The following PTPN18 variants were observed in gnomAD, a reference collection of about 807,000 sequenced individuals.
The protein encoded by PTPN18 is protein tyrosine phosphatase non-receptor type 18, also known as tyrosine-protein phosphatase non-receptor type 18.
In PTPN18, 65 loss-of-function variants were observed where a neutral mutation model predicts 65.4. The observed-to-expected ratio is 0.99, with a 90% confidence interval of 0.81 to 1.22. The LOEUF (loss-of-function observed/expected upper bound fraction) is 1.22, where lower values mean the gene tolerates loss of function less well. PTPN18 is among the 50% of genes most tolerant of loss of function. The pLI is 0.00. For synonymous variants in PTPN18, 255 were observed against 267.8 expected, an observed-to-expected ratio of 0.95 and a Z score of 0.47; for missense variants, 616 against 646.5, an observed-to-expected ratio of 0.95 and a Z score of 0.51.
chr2:130,373,182 G>T lies in PTPN18; in HGVS notation c.1341G>T (p.Pro447=). ...GTTTCAACCTGCGCATTGGGAGGCC[G>T]AAGGGTCCCCGGGACCCGCCTGCTG... The part of the protein sequence containing the change: ...GLGFNLRIGR[P]KGPRDPPAEW... The change falls in exon 15 of 15, where the codon CCG becomes CCT. Residue 447 remains proline (P), a synonymous_variant. Coordinates refer to ENST00000175756, the MANE Select transcript of PTPN18 (RefSeq NM_014369.4). The surrounding 1 kb of genome is among the most constrained non-coding windows in gnomAD (Gnocchi z 4.1). The T allele has an allele frequency of 6.2e-7, 1 of 1,601,282 alleles. No individual in the cohort carries two copies. The highest frequency in any genetic ancestry group is 8.5e-7 in the Non-Finnish European group (1 of 1,173,636).
chr2:130,364,950 T>G (rs1373017470), intron 5 of PTPN18, among the ~76,000 whole-genome samples: 4 of 152,240 alleles, frequency 2.6e-5, no homozygotes, highest in Admixed American at 2.0e-4. Context: ...CTGTACCATT[T>G]TACGTTCCCA....
chr2:130,362,243 T>G (rs1342526577), intron 5 of PTPN18: 1 of 457,730 alleles, frequency 2.2e-6, no homozygotes, highest in African/African-American at 2.0e-5. Flanking sequence ...GTGCTAAGAT[T>G]ACAGGCATGA....
At chr2:130,356,257 C>CT in intron 1 of PTPN18, 57 bp downstream of exon 1, 1 of 1,205,732 alleles carries the variant, frequency 8.3e-7, no homozygotes, top group Non-Finnish European at 1.1e-6. Flanking sequence ...CTGCGTACGC[C>CT]TGTCCTCCGC....
rs908058178 is a variant in PTPN18, at chr2:130,369,123, C to T, written c.415-10C>T. 1.2e-6 allele frequency: 2 copies of T among 1,607,058 alleles called. No individual in the cohort carries two copies. Among genetic ancestry groups the T allele is most frequent in the Non-Finnish European group, 1.7e-6 (2 of 1,175,474 alleles). On this transcript the variant is annotated splice_polypyrimidine_tract_variant and intron_variant, in intron 5 of 14. Coordinates refer to ENST00000175756, the MANE Select transcript of PTPN18 (RefSeq NM_014369.4). Reference sequence around the variant, plus strand: ...CTCACTCCCTGCCTTTTCTCCCTTACCTTTTGCAGAAAAGGTGTGAGCGGT... The same window carrying T: ...CTCACTCCCTGCCTTTTCTCCCTTATCTTTTGCAGAAAAGGTGTGAGCGGT...
chr2:130,366,543 A>G (rs1216530864), intron 5 of PTPN18, among the ~76,000 whole-genome samples: 3 of 151,996 alleles, frequency 2.0e-5, no homozygotes. Flanking sequence ...TGTTTGTGAG[A>G]TATTGGTTAG....
Position 130,357,348 on chromosome 2 carries a change from C to G in PTPN18, c.93+1148C>G, listed in dbSNP as rs922411513. Among the ~76,000 whole-genome samples, 8 of 152,152 alleles carry G rather than the reference C, an allele frequency of 5.3e-5. 1 individual carries two copies. Among genetic ancestry groups the G allele is most frequent in the Non-Finnish European group, 1.2e-4 (8 of 68,034 alleles). On this transcript the variant is annotated intron_variant, in intron 1 of 14. Transcript: ENST00000175756. ...GTTTAAAGTGTAATCGCTTATGTAC[C>G]AGACATAGAAACATACCATACAAAC...
At chr2:130,370,808 AGGGACAGTGGC>A in intron 10 of PTPN18, 26 bp downstream of exon 10, 1 of 1,613,002 alleles carries the variant, frequency 6.2e-7, no homozygotes, top group Middle Eastern at 1.6e-4. Context: ...CCTAATCTTC[AGGGACAGTGGC>A]CCACTGCTGT....
intron 5 of PTPN18, chr2:130,362,015 G>A (rs1215218642): frequency 8.0e-6 from 3 of 373,226 alleles, no homozygotes; most frequent in Non-Finnish European, 1.6e-5. Context: ...TAAGACAGAG[G>A]GGAATGGAGT....
In PTPN18 at chr2:130,374,673, G is replaced by C. The variant is rs1344522317; in HGVS notation, c.*1449G>C. 4.2e-6 allele frequency: 2 copies of C among 471,404 alleles called. No individual in the cohort carries two copies. Among genetic ancestry groups the C allele is most frequent in the Admixed American group, 4.7e-5 (2 of 42,584 alleles). 29.2% of individuals were successfully genotyped at this position (471,404 alleles called of 1,614,324 possible). A position where few individuals can be genotyped will look rare whatever the true frequency, so the allele number is the denominator to read the frequency against. On this transcript the variant is annotated 3_prime_UTR_variant, in exon 15 of 15. Coordinates refer to ENST00000175756, the MANE Select transcript of PTPN18 (RefSeq NM_014369.4). The stretch of plus-strand genomic sequence containing the variant: ...CGCCCCTCTCACTTTCAGGTCTCTG[G>C]ACCTCTGACTGACACTGTGCCTGCC...
intron 5 of PTPN18, among the ~76,000 whole-genome samples, chr2:130,364,251 A>G (rs1680316260): frequency 6.6e-6 from 1 of 152,094 alleles, no homozygotes; most frequent in Admixed American, 6.6e-5. Context: ...GGTAACCTCT[A>G]TTCTCCTTTC....
rs1215237803 is a variant in PTPN18 at position 130,359,867 on chromosome 2, CCT to C, written c.414+222_414+223del. On this transcript the variant is annotated intron_variant, in intron 5 of 14. Transcript: ENST00000175756. ...TGCTGGGCTTCCCAGCCATTTCACACCTTAGACCATAAGGCCCTATTCTGACT... is the reference window on the plus strand; with the variant it reads ...TGCTGGGCTTCCCAGCCATTTCACACTAGACCATAAGGCCCTATTCTGACT... 11 of 604,044 alleles carry C rather than the reference CCT, an allele frequency of 1.8e-5. No individual in the cohort carries two copies. In the African/African-American group the frequency reaches 2.0e-4, roughly 11 times the overall value. The allele number at this position is 604,044 out of a possible 1,614,324, so 37.4% of individuals were successfully genotyped here.
At chr2:130,368,218 A>G (rs13407656) in intron 5 of PTPN18, among the ~76,000 whole-genome samples, 17,887 of 151,912 alleles carry the variant, frequency 0.12, 3,407 homozygotes, top group African/African-American at 0.4. Flanking sequence ...CCTATTGACT[A>G]ATTTTTCTCC....
intron 5 of PTPN18, among the ~76,000 whole-genome samples, chr2:130,362,757 G>C (rs1423429886): frequency 1.3e-5 from 2 of 152,128 alleles, no homozygotes; most frequent in Non-Finnish European, 2.9e-5. Context: ...AAAGTGTACA[G>C]TTCCATCATT....
intron 5 of PTPN18, among the ~76,000 whole-genome samples, chr2:130,368,189 T>G (rs1680447364): frequency 6.6e-6 from 1 of 152,230 alleles, no homozygotes; most frequent in Admixed American, 6.5e-5. Flanking sequence ...TTTCCTGAAC[T>G]GTTATTTCTG....
At chr2:130,356,681 G>C (rs1209982119) in intron 1 of PTPN18, 1 of 459,644 alleles carries the variant, frequency 2.2e-6, no homozygotes, top group African/African-American at 2.0e-5. Flanking sequence ...TCGAATCCGC[G>C]TCCGGGCCCG....
chr2:130,372,757 C>G, intron 13 of PTPN18, 116 bp from the exon 14 acceptor site: 1 of 1,293,574 alleles, frequency 7.7e-7, no homozygotes, highest in Non-Finnish European at 1.1e-6. Flanking sequence ...CCTTCTCCCG[C>G]CCGGCGCCCT....
Position 130,369,962 on chromosome 2 carries a change from A to C in PTPN18, c.547-86A>C, listed in dbSNP as rs968055531. 51 of 1,567,722 alleles carry C rather than the reference A, an allele frequency of 3.3e-5. 1 individual carries two copies. In the African/African-American group the frequency reaches 6.2e-4, roughly 19 times the overall value. ...TAGACATAAATGGAAGATGCCTAGA[A>C]GTGGGCCTGGTGTATAGTAGATGGC... On this transcript the variant is annotated intron_variant, in intron 7 of 14. Coordinates refer to ENST00000175756, the MANE Select transcript of PTPN18 (RefSeq NM_014369.4).
intron 5 of PTPN18, among the ~76,000 whole-genome samples, chr2:130,367,223 G>T (rs1416949982): frequency 6.6e-6 from 1 of 151,978 alleles, no homozygotes; most frequent in African/African-American, 2.4e-5. Flanking sequence ...AGATTTGTTT[G>T]TGATGAATTC....
intron 1 of PTPN18, among the ~76,000 whole-genome samples, chr2:130,356,920 G>T (rs1024230068): frequency 1.1e-4 from 16 of 152,248 alleles, no homozygotes; most frequent in African/African-American, 3.9e-4. Context: ...GCCAGGTGCG[G>T]TGGCTCACAC....
Sources: gnomAD v4.1 joint callset for allele counts (sites outside exome capture counted in the v4.1 genomes callset) on GRCh38, gnomAD v4.1.1 for gene constraint, Gnocchi (gnomAD v3.1) non-coding constraint, MANE v1.5 for transcripts, NCBI Gene and HGNC (gene_info 2026-07-23, HGNC 2026-07-21) for gene names.